The following PKD1L1 variants were observed in gnomAD, a reference collection of about 807,000 sequenced individuals.
PKD1L1 encodes the protein polycystin 1 like 1, transient receptor potential channel interacting.
In PKD1L1, 236 loss-of-function variants were observed where a neutral mutation model predicts 323.4. The ratio of observed to expected loss-of-function variants is 0.73; its 90% CI spans 0.66 to 0.81. The LOEUF is 0.81. Among genes scored for constraint, PKD1L1 ranks in the 40% least tolerant of loss-of-function variants. The pLI, the probability that PKD1L1 is intolerant of heterozygous loss-of-function variation, is 0.00. For missense variants in PKD1L1, 3,320 were observed against 3,508.0 expected (o/e 0.95, Z 1.35); for synonymous variants, 1,344 against 1,335.0 (o/e 1.01, Z -0.15).
intron 8 of PKD1L1, among the ~76,000 whole-genome samples, chr7:47,912,042 T>C (rs1380880116): frequency 1.3e-5 from 2 of 151,858 alleles, no homozygotes; most frequent in South Asian, 4.2e-4. Flanking sequence ...TACAAGATAC[T>C]ATAAGAGTCA....
chr7:47,812,593 CCAACCCAGTGTGAGGTG>C (rs1784924553), intron 49 of PKD1L1, among the ~76,000 whole-genome samples: 1 of 152,188 alleles, frequency 6.6e-6, no homozygotes, highest in African/African-American at 2.4e-5. Context: ...CAGCACAGCT[CCAACCCAGTGTGAGGTG>C]CATGCTGCTT....
chr7:47,809,520 C>T lies in PKD1L1; in HGVS notation c.7639G>A (p.Asp2547Asn), dbSNP rs1318192047. ...CGCCAGTAGCTGAGGACGCCCTTGT[C>T]CATCATACGGTAGAGTTGAACACAG... ...HLCVQLYRMM[D>N]KGVLSYWRKP... The change falls in exon 51 of 57, where the codon GAC becomes AAC. Residue 2547 changes from aspartate (D) to asparagine (N), a missense_variant. Transcript: ENST00000289672. The T allele has an allele frequency of 6.2e-7, 1 of 1,609,916 alleles. No homozygotes were observed. The highest frequency in any genetic ancestry group is 8.5e-7 in the Non-Finnish European group (1 of 1,178,308).
rs1441183091 is a variant in PKD1L1, at chr7:47,857,597, G to A, written c.4590+8C>T. On this transcript the variant is annotated splice_region_variant and intron_variant, in intron 28 of 56. Coordinates refer to ENST00000289672, the MANE Select transcript of PKD1L1 (RefSeq NM_138295.5). The stretch of plus-strand genomic sequence containing the variant: ...ATTAGAAGTGGCAGGTCATCTGTCA[G>A]CTTGTACCTGCCCAGGAGCTTGGCT... 3.7e-6 allele frequency: 6 copies of A among 1,610,246 alleles called. No individual in the cohort carries two copies. In the Admixed American group the frequency reaches 1.0e-4, roughly 27 times the overall value.
chr7:47,820,470 A>G (rs1164457976), intron 46 of PKD1L1, among the ~76,000 whole-genome samples: 1 of 152,208 alleles, frequency 6.6e-6, no homozygotes, highest in African/African-American at 2.4e-5. Context: ...CACACCTGTA[A>G]TCCCAGCACT....
At chr7:47,897,873 C>T in intron 14 of PKD1L1, 115 bp downstream of exon 14, 1 of 795,990 alleles carries the variant, frequency 1.3e-6, no homozygotes, top group Non-Finnish European at 1.9e-6. Flanking sequence ...TTTTAAACAA[C>T]CTCCCTTTTC....
chr7:47,788,600 T>C (rs1786867884), intron 56 of PKD1L1, among the ~76,000 whole-genome samples: 1 of 145,170 alleles, frequency 6.9e-6, no homozygotes, highest in Admixed American at 7.0e-5. Flanking sequence ...AATTTTAATT[T>C]TAATTTTTTT....
At chr7:47,844,743 A>G (rs1785629859) in intron 33 of PKD1L1, among the ~76,000 whole-genome samples, 1 of 152,268 alleles carries the variant, frequency 6.6e-6, no homozygotes, top group Admixed American at 6.5e-5. Flanking sequence ...TAAAAGTATG[A>G]AAAGTATGTT....
intron 8 of PKD1L1, among the ~76,000 whole-genome samples, chr7:47,909,272 T>C (rs564652421): frequency 6.6e-6 from 1 of 152,254 alleles, no homozygotes; most frequent in South Asian, 2.1e-4. Flanking sequence ...CAGGAGCAAA[T>C]CTGTACCTGA....
At chr7:47,860,232 A>G (rs1785996099) in intron 26 of PKD1L1, among the ~76,000 whole-genome samples, 1 of 152,222 alleles carries the variant, frequency 6.6e-6, no homozygotes, top group Admixed American at 6.5e-5. Context: ...TTTTAAAACC[A>G]ACCTCAAATG....
the PKD1L1 span, among the ~76,000 whole-genome samples, chr7:47,959,579 C>T: frequency 5.0e-4 from 66 of 131,822 alleles, no homozygotes; most frequent in South Asian, 1.0e-3. Flanking sequence ...GGAGACCCTC[C>T]GCCTGGCAAC....
intron 1 of PKD1L1, 58 bp from the exon 2 acceptor site, chr7:47,943,569 G>GGATGTCTGTGATTA: frequency 3.8e-6 from 5 of 1,314,240 alleles, no homozygotes; most frequent in Non-Finnish European, 2.2e-6. Flanking sequence ...TTTAATCACA[G>GGATGTCTGTGATTA]ACATCCTGTG....
intron 46 of PKD1L1, among the ~76,000 whole-genome samples, chr7:47,818,484 A>T (rs923009853): frequency 6.6e-6 from 1 of 152,252 alleles, no homozygotes; most frequent in Non-Finnish European, 1.5e-5. Flanking sequence ...GGGAAATGGT[A>T]TCACTTCTTG....
chr7:47,866,314 C>T lies in PKD1L1; in HGVS notation c.4092+105G>A, dbSNP rs1387714759. ...TGGCCCTCTTGGTCTCATTTCTTGC[C>T]TGTGTTTCATAAGCATGACCACTTG... On this transcript the variant is annotated intron_variant, in intron 25 of 56. Transcript: ENST00000289672. The T allele has an allele frequency of 7.2e-6, 9 of 1,243,304 alleles. 1 individual carries two copies. The East Asian group carries it at 1.4e-4, about 20-fold the overall frequency. The allele number at this position is 1,243,304 out of a possible 1,614,324, so 77.0% of individuals were successfully genotyped here.
rs772893346 is a variant in PKD1L1 at position 47,803,178 on chromosome 7, G to A, written c.7962+32C>T. 8 of 1,613,236 alleles carry A rather than the reference G, an allele frequency of 5.0e-6. No individual in the cohort carries two copies. In the East Asian group the frequency reaches 8.9e-5, roughly 18 times the overall value. On this transcript the variant is annotated intron_variant, in intron 53 of 56. Transcript: ENST00000289672. ...AGTACACAGATCAATGGTTTACAAG[G>A]GAAATCACCTGATAAAGGGGAGAGT...
Position 47,888,055 on chromosome 7 carries a change from A to AT in PKD1L1, c.2770dup (p.Ile924AsnfsTer20). 1 of 1,613,922 alleles carries AT rather than the reference A, an allele frequency of 6.2e-7. No homozygotes were observed. Among genetic ancestry groups the AT allele is most frequent in the Non-Finnish European group, 8.5e-7 (1 of 1,179,814 alleles). The stretch of plus-strand genomic sequence containing the variant: ...ATCCCAGGAATAAGACAGATTCGGT[A>AT]TTTCACTGCAGTCCTCACACATAGC... On this transcript the variant is annotated frameshift_variant, in exon 17 of 57. Transcript: ENST00000289672. LOFTEE classifies it high-confidence loss of function.
intron 26 of PKD1L1, among the ~76,000 whole-genome samples, chr7:47,864,134 C>T (rs1786095805): frequency 6.6e-6 from 1 of 152,148 alleles, no homozygotes; most frequent in African/African-American, 2.4e-5. Flanking sequence ...ACTGTGCCGC[C>T]TGCACCCATG....
intron 7 of PKD1L1, among the ~76,000 whole-genome samples, chr7:47,920,600 A>G (rs1787516466): frequency 6.6e-6 from 1 of 152,208 alleles, no homozygotes; most frequent in Non-Finnish European, 1.5e-5. Flanking sequence ...ACTAAGCAAA[A>G]AGAACAAATC....
intron 41 of PKD1L1, among the ~76,000 whole-genome samples, chr7:47,831,655 G>T (rs950802270): frequency 6.6e-6 from 1 of 152,202 alleles, no homozygotes; most frequent in Admixed American, 6.5e-5. Flanking sequence ...CTGCTGAGCT[G>T]GGACATTGGT....
In PKD1L1 at chr7:47,814,702, C is replaced by CAGGGT. The variant is rs1429375230; in HGVS notation, c.7089+627_7089+631dup. 1.3e-5 allele frequency among the ~76,000 whole-genome samples: 2 copies of CAGGGT among 152,134 alleles called. 1 individual carries two copies. Among genetic ancestry groups the CAGGGT allele is most frequent in the Non-Finnish European group, 2.9e-5 (2 of 68,020 alleles). On this transcript the variant is annotated intron_variant, in intron 47 of 56. Coordinates refer to ENST00000289672, the MANE Select transcript of PKD1L1 (RefSeq NM_138295.5). Reference sequence around the variant, plus strand: ...CTAACTTTTGTATTTTTAGTAGAGACAGGGTTTCCCCATGTTGGCCAGGCT... The same window carrying CAGGGT: ...CTAACTTTTGTATTTTTAGTAGAGACAGGGTAGGGTTTCCCCATGTTGGCCAGGCT...
Sources: allele counts gnomAD v4.1 joint callset (sites outside exome capture counted in the v4.1 genomes callset), GRCh38; gene constraint gnomAD v4.1.1; transcripts MANE v1.5; gene names NCBI Gene and HGNC (gene_info 2026-07-23, HGNC 2026-07-21).